RAB38: variants seen among roughly 807,000 people sequenced by gnomAD.
RAB38 encodes the protein ras-related protein Rab-38.
Under a neutral mutation model 18.4 loss-of-function variants are expected in RAB38, and 15 were observed. The observed-to-expected ratio is 0.82, with a 90% confidence interval of 0.55 to 1.26. The LOEUF (loss-of-function observed/expected upper bound fraction) is 1.26. Ranked by LOEUF, RAB38 falls within the 50% of genes most tolerant of loss-of-function variation. The probability of loss-of-function intolerance (pLI) is 0.00; values close to 1 mark genes in which losing one functional copy is unlikely to be tolerated. For synonymous variants in RAB38, 101 were observed against 104.4 expected (o/e 0.97, Z 0.20); for missense variants, 294 against 267.4 (o/e 1.10, Z -0.69).
At chr11:88,168,998 A>G (rs538831527) in intron 1 of RAB38, among the ~76,000 whole-genome samples, 1 of 152,352 alleles carries the variant, frequency 6.6e-6, no homozygotes, top group East Asian at 1.9e-4. Context: ...TTCTGGGAAG[A>G]TAAATTTGGC....
At chr11:88,074,849 A>G in the RAB38 span, among the ~76,000 whole-genome samples, 1 of 152,176 alleles carries the variant, frequency 6.6e-6, no homozygotes, top group East Asian at 1.9e-4. Flanking sequence ...CTGAAAGTAA[A>G]GAGGTGGAAA....
At chr11:88,104,287 C>T in the RAB38 span, among the ~76,000 whole-genome samples, 5 of 139,482 alleles carry the variant, frequency 3.6e-5, no homozygotes, top group Admixed American at 7.3e-5. Flanking sequence ...TATTTTCTTA[C>T]GTTAAATGTC....
chr11:88,118,250 A>C (rs1942583662), intron 2 of RAB38, among the ~76,000 whole-genome samples: 1 of 152,382 alleles, frequency 6.6e-6, no homozygotes, highest in South Asian at 2.1e-4. Flanking sequence ...GCTGATTTGT[A>C]TTACTGGCAC....
the RAB38 span, among the ~76,000 whole-genome samples, chr11:87,932,205 T>C: frequency 2.6e-5 from 4 of 151,988 alleles, no homozygotes; most frequent in South Asian, 2.1e-4. Context: ...GAGAGGTTGA[T>C]AGGTACAGCA....
chr11:88,117,640 G>A (rs566496026), intron 2 of RAB38, among the ~76,000 whole-genome samples: 1 of 152,260 alleles, frequency 6.6e-6, no homozygotes, highest in East Asian at 1.9e-4. Flanking sequence ...CTACAAAAAG[G>A]CAAGGGGTAT....
At chr11:87,939,648 A>G in the RAB38 span, among the ~76,000 whole-genome samples, 1 of 152,084 alleles carries the variant, frequency 6.6e-6, no homozygotes, top group Non-Finnish European at 1.5e-5. Flanking sequence ...GCTTGAGCCC[A>G]GGAGTGCGAG....
chr11:88,067,986 T>TAC, the RAB38 span, among the ~76,000 whole-genome samples: 8 of 147,878 alleles, frequency 5.4e-5, no homozygotes, highest in Admixed American at 4.8e-4. Flanking sequence ...TATATACTTA[T>TAC]ATATATACAC....
the RAB38 span, among the ~76,000 whole-genome samples, chr11:87,854,938 G>C: frequency 1.3e-5 from 2 of 152,050 alleles, no homozygotes; most frequent in African/African-American, 4.8e-5. Context: ...GGGACTACAG[G>C]TGCCCACCAC....
At chr11:87,970,342 T>G in the RAB38 span, among the ~76,000 whole-genome samples, 1 of 152,128 alleles carries the variant, frequency 6.6e-6, no homozygotes, top group East Asian at 1.9e-4. Context: ...CCCCCCAATC[T>G]TAGCCCTGTT....
chr11:88,062,232 A>G, the RAB38 span: 1 of 151,924 alleles, frequency 6.6e-6, no homozygotes, highest in South Asian at 2.1e-4. Flanking sequence ...GGTTTCCCCC[A>G]TGCTATTCTC....
intron 2 of RAB38, among the ~76,000 whole-genome samples, chr11:88,136,657 A>C (rs1942839470): frequency 6.6e-6 from 1 of 152,234 alleles, no homozygotes; most frequent in African/African-American, 2.4e-5. Flanking sequence ...ACATTTTTAG[A>C]AATCTAAAAG....
At chr11:87,930,638 A>C in the RAB38 span, among the ~76,000 whole-genome samples, 2 of 151,966 alleles carry the variant, frequency 1.3e-5, no homozygotes, top group African/African-American at 2.4e-5. Context: ...GAAGCATTTG[A>C]CCATGCCTAT....
At chr11:88,153,545 C>A (rs1288810874) in intron 1 of RAB38, among the ~76,000 whole-genome samples, 2 of 152,170 alleles carry the variant, frequency 1.3e-5, no homozygotes, top group African/African-American at 4.8e-5. Context: ...GGACCCCTGG[C>A]AGCTCCCTAA....
the RAB38 span, among the ~76,000 whole-genome samples, chr11:87,925,922 C>A: frequency 1.3e-5 from 2 of 151,836 alleles, no homozygotes; most frequent in Non-Finnish European, 2.9e-5. Context: ...AACATTGATA[C>A]CTGCCACGCT....
At chr11:88,109,063 C>T (rs1942439709), downstream of RAB38, among the ~76,000 whole-genome samples, 1 of 152,096 alleles carries the variant, frequency 6.6e-6, no homozygotes, top group Non-Finnish European at 1.5e-5. Flanking sequence ...TCTGGCTGCC[C>T]TTAACATTTT....
chr11:88,070,981 G>A, the RAB38 span, among the ~76,000 whole-genome samples: 1 of 152,134 alleles, frequency 6.6e-6, no homozygotes, highest in Non-Finnish European at 1.5e-5. Context: ...GCCAAGCATG[G>A]GCTAATATGA....
At chr11:87,930,348 T>C in the RAB38 span, among the ~76,000 whole-genome samples, 7 of 152,178 alleles carry the variant, frequency 4.6e-5, no homozygotes, top group South Asian at 2.1e-4. Flanking sequence ...TGTCTTTTGG[T>C]TGCATAAATG....
the RAB38 span, among the ~76,000 whole-genome samples, chr11:87,884,439 A>T: frequency 1.5e-4 from 23 of 151,958 alleles, no homozygotes; most frequent in African/African-American, 4.6e-4. Context: ...CCTCACCTGG[A>T]GCAGCACCAT....
At chr11:87,970,548 C>T in the RAB38 span, among the ~76,000 whole-genome samples, 1 of 152,062 alleles carries the variant, frequency 6.6e-6, no homozygotes, top group Non-Finnish European at 1.5e-5. Context: ...GGTGCACATT[C>T]CTACCTTAGC....
Sources: allele counts gnomAD v4.1 joint callset (sites outside exome capture counted in the v4.1 genomes callset), GRCh38; gene constraint gnomAD v4.1.1; transcripts MANE v1.5; gene names NCBI Gene and HGNC (gene_info 2026-07-23, HGNC 2026-07-21).